The following KCNH8 variants were observed in gnomAD, a reference collection of about 807,000 sequenced individuals.
The protein encoded by KCNH8 is voltage-gated delayed rectifier potassium channel KCNH8.
A neutral mutation model predicts 103.6 loss-of-function variants in KCNH8; 70 were observed. The observed-to-expected ratio is 0.68, with a 90% confidence interval of 0.56 to 0.82. The LOEUF is 0.82. Ranked by LOEUF, KCNH8 falls within the 40% of genes least tolerant of loss-of-function variation. The pLI, the probability that KCNH8 is intolerant of heterozygous loss-of-function variation, is 0.00. For missense variants in KCNH8, 1,217 were observed against 1,329.9 expected (o/e 0.92, Z 1.32); for synonymous variants, 498 against 489.4 (o/e 1.02, Z -0.23).
chr3:19,482,752 A>G (rs950884257), intron 11 of KCNH8, among the ~76,000 whole-genome samples: 4 of 152,174 alleles, frequency 2.6e-5, no homozygotes, highest in African/African-American at 9.7e-5. Context: ...TTGATCATCT[A>G]TGTGTAGACA....
intron 2 of KCNH8, among the ~76,000 whole-genome samples, chr3:19,260,571 C>T (rs552546205): frequency 4.9e-5 from 6 of 122,440 alleles, no homozygotes; most frequent in South Asian, 2.8e-4. Flanking sequence ...TTAACATATC[C>T]ATTATCTCAC....
chr3:19,241,551 T>C (rs2064141465), intron 1 of KCNH8, among the ~76,000 whole-genome samples: 1 of 152,164 alleles, frequency 6.6e-6, no homozygotes, highest in Non-Finnish European at 1.5e-5. Flanking sequence ...CAAAATCTAA[T>C]CATCAACAGA....
intron 3 of KCNH8, among the ~76,000 whole-genome samples, chr3:19,304,794 A>G (rs1489041612): frequency 6.6e-6 from 1 of 152,164 alleles, no homozygotes; most frequent in African/African-American, 2.4e-5. Context: ...GCTATTGAGC[A>G]CTTGAGACGT....
intron 15 of KCNH8, among the ~76,000 whole-genome samples, chr3:19,526,450 T>A (rs1484755388): frequency 1.3e-5 from 2 of 151,990 alleles, no homozygotes; most frequent in African/African-American, 4.8e-5. Context: ...ATATGTCATT[T>A]TATGTGAAAT....
intron 15 of KCNH8, among the ~76,000 whole-genome samples, chr3:19,522,009 C>T (rs910886585): frequency 6.6e-6 from 1 of 151,850 alleles, no homozygotes; most frequent in Non-Finnish European, 1.5e-5. Flanking sequence ...GTTATTTCAT[C>T]CTTACTCACC....
chr3:19,272,658 A>T (rs576871196), intron 2 of KCNH8, among the ~76,000 whole-genome samples: 1 of 152,182 alleles, frequency 6.6e-6, no homozygotes, highest in Admixed American at 6.5e-5. Flanking sequence ...GACCTGGAAT[A>T]ACACACAAAT....
chr3:19,392,327 A>G (rs1406398439), intron 6 of KCNH8, among the ~76,000 whole-genome samples: 6 of 150,470 alleles, frequency 4.0e-5, no homozygotes, highest in Admixed American at 2.7e-4. Context: ...TCAAAAAAAA[A>G]AAAAAAAGAA....
rs778834389 is a variant in KCNH8, at chr3:19,451,226, G to T, written c.1647G>T (p.Leu549Phe). 1.9e-6 allele frequency: 3 copies of T among 1,613,788 alleles called. No homozygotes were observed. The highest frequency in any genetic ancestry group is 8.5e-7 in the Non-Finnish European group (1 of 1,179,732). ...TMHLNKEILQLSLFECASRGC... is the reference protein window; with the variant it reads ...TMHLNKEILQFSLFECASRGC... ...ACTTGAACAAGGAGATCTTACAGTTGTCCCTTTTTGAATGTGCCAGCCGGG... is the reference window on the plus strand; with the variant it reads ...ACTTGAACAAGGAGATCTTACAGTTTTCCCTTTTTGAATGTGCCAGCCGGG... Residue 549 changes from leucine (L) to phenylalanine (F), a missense_variant, in exon 10 of 16, where the codon TTG (leucine) becomes TTT (phenylalanine). This residue lies in a region of KCNH8 where 415 missense variants were observed against 577.4 expected (regional missense o/e 0.72). Coordinates refer to ENST00000328405, the MANE Select transcript of KCNH8 (RefSeq NM_144633.3).
chr3:19,248,969 G>T (rs1305984108), intron 1 of KCNH8, among the ~76,000 whole-genome samples: 1 of 152,088 alleles, frequency 6.6e-6, no homozygotes, highest in Non-Finnish European at 1.5e-5. Flanking sequence ...AGCATTTAGA[G>T]AAATAGTCAG....
At chr3:19,296,992 T>C (rs919064166) in intron 3 of KCNH8, among the ~76,000 whole-genome samples, 2 of 152,198 alleles carry the variant, frequency 1.3e-5, no homozygotes, top group Admixed American at 6.6e-5. Flanking sequence ...TATTTATTAA[T>C]TCCATCTTAG....
At position 19,398,961 on chromosome 3, in the gene KCNH8, C is replaced by T. The variant is rs77947206; in HGVS notation, c.1177+3650C>T. Among the ~76,000 whole-genome samples, 947 of 152,074 alleles carry T rather than the reference C, an allele frequency of 6.2e-3. 9 individuals are homozygous for T. Among genetic ancestry groups the T allele is most frequent in the African/African-American group, 0.021 (885 of 41,538 alleles). On this transcript the variant is annotated intron_variant, in intron 7 of 15. Coordinates refer to ENST00000328405, the MANE Select transcript of KCNH8 (RefSeq NM_144633.3). ...ACAAAAATTATATGCTTTTGCATAT[C>T]TTCAAAGTAATTTATCTGTACCACC...
At chr3:19,455,572 A>G (rs1412451572) in intron 10 of KCNH8, among the ~76,000 whole-genome samples, 1 of 152,076 alleles carries the variant, frequency 6.6e-6, no homozygotes, top group African/African-American at 2.4e-5. Context: ...AGGCCACAAG[A>G]CTGTAAAATT....
At chr3:19,290,890 G>GCC (rs2064911206) in intron 3 of KCNH8, among the ~76,000 whole-genome samples, 1 of 152,026 alleles carries the variant, frequency 6.6e-6, no homozygotes, top group African/African-American at 2.4e-5. Flanking sequence ...TTTTTGGTTG[G>GCC]TAAGCTATTA....
At chr3:19,284,715 G>A (rs997749720) in intron 3 of KCNH8, among the ~76,000 whole-genome samples, 2 of 152,012 alleles carry the variant, frequency 1.3e-5, no homozygotes, top group African/African-American at 4.8e-5. Flanking sequence ...TACTTATGGA[G>A]TGAATTTAAT....
chr3:19,325,032 CACATGCTT>C (rs1293663386), intron 3 of KCNH8, among the ~76,000 whole-genome samples: 3 of 151,944 alleles, frequency 2.0e-5, no homozygotes, highest in African/African-American at 4.8e-5. Flanking sequence ...GAAATAAGAC[CACATGCTT>C]ACTTAAGATC....
intron 7 of KCNH8, among the ~76,000 whole-genome samples, chr3:19,396,874 T>G (rs2066526622): frequency 6.6e-6 from 1 of 152,036 alleles, no homozygotes; most frequent in South Asian, 2.1e-4. Flanking sequence ...ATTAAAATTC[T>G]GACTTGTGGT....
intron 5 of KCNH8, among the ~76,000 whole-genome samples, chr3:19,373,887 A>T (rs2066146148): frequency 6.6e-6 from 1 of 152,066 alleles, no homozygotes; most frequent in African/African-American, 2.4e-5. Context: ...ATTCAGGAGC[A>T]GGTTGTTCAG....
At chr3:19,161,342 C>G (rs2063232385) in intron 1 of KCNH8, among the ~76,000 whole-genome samples, 1 of 152,126 alleles carries the variant, frequency 6.6e-6, no homozygotes, top group East Asian at 1.9e-4. Flanking sequence ...CCTTCTTTCA[C>G]TTAGATAAAT....
chr3:19,367,525 A>C (rs1388968083), intron 5 of KCNH8, among the ~76,000 whole-genome samples: 1 of 149,694 alleles, frequency 6.7e-6, no homozygotes, highest in Non-Finnish European at 1.5e-5. Context: ...CAGGCAATAC[A>C]TTTATTTTTC....
Sources: allele counts gnomAD v4.1 joint callset (sites outside exome capture counted in the v4.1 genomes callset), GRCh38; gene constraint gnomAD v4.1.1; regional missense constraint gnomAD v4.1.1; transcripts MANE v1.5; gene names NCBI Gene and HGNC (gene_info 2026-07-23, HGNC 2026-07-21).